The following KLF12 variants were observed in gnomAD, a reference collection of about 807,000 sequenced individuals.
KLF12 encodes the protein KLF transcription factor 12.
A neutral mutation model predicts 37.8 loss-of-function variants in KLF12; 9 were observed. That is an observed-to-expected ratio of 0.24 (90% CI 0.14 to 0.42). KLF12 has a LOEUF of 0.42. Among genes scored for constraint, KLF12 ranks in the 10% least tolerant of loss-of-function variants. The pLI, the probability that KLF12 is intolerant of heterozygous loss-of-function variation, is 1.00. For missense variants in KLF12, 411 were observed against 516.0 expected (o/e 0.80, Z 1.97); for synonymous variants, 208 against 202.1 (o/e 1.03, Z -0.25).
chr13:73,951,549 A>G (rs1193322626), intron 2 of KLF12, among the ~76,000 whole-genome samples: 1 of 152,102 alleles, frequency 6.6e-6, no homozygotes, highest in Non-Finnish European at 1.5e-5. Context: ...TGTGCAAGCA[A>G]CTCTGGCTAG....
At chr13:74,232,233 C>A in the KLF12 span, among the ~76,000 whole-genome samples, 10 of 152,124 alleles carry the variant, frequency 6.6e-5, no homozygotes, top group African/African-American at 1.9e-4. Flanking sequence ...ACACTAGTAA[C>A]AACAGCAACA....
At chr13:73,888,511 A>G (rs1482893447) in intron 3 of KLF12, among the ~76,000 whole-genome samples, 1 of 152,186 alleles carries the variant, frequency 6.6e-6, no homozygotes, top group African/African-American at 2.4e-5. Context: ...ATTGTTTCAT[A>G]AAAACTTTTA....
In KLF12 at chr13:74,053,010, T is replaced by C. The variant is rs367963626; in HGVS notation, c.-31-57957A>G. Among the ~76,000 whole-genome samples the C allele has an allele frequency of 9.8e-5, 15 of 152,332 alleles. No homozygotes were observed. The East Asian group carries it at 2.7e-3, about 27-fold the overall frequency. On this transcript the variant is annotated intron_variant, in intron 1 of 7. Coordinates refer to ENST00000377669, the MANE Select transcript of KLF12 (RefSeq NM_007249.5). ...CAAGAAGTCATTAAGAATGCACATG[T>C]GTACTTATTCCGCACCAGGAGGGCC...
intron 1 of KLF12, among the ~76,000 whole-genome samples, chr13:74,127,503 G>C (rs1232993624): frequency 6.6e-6 from 1 of 152,206 alleles, no homozygotes; most frequent in Non-Finnish European, 1.5e-5. Flanking sequence ...CCCACAAAAA[G>C]TGATGCTGAT....
the KLF12 span, among the ~76,000 whole-genome samples, chr13:74,143,199 T>C: frequency 6.6e-6 from 1 of 151,990 alleles, no homozygotes; most frequent in Non-Finnish European, 1.5e-5. Flanking sequence ...TCTCCCTCTT[T>C]CTTACTCTCT....
At chr13:73,999,851 C>A (rs1343015382) in intron 1 of KLF12, among the ~76,000 whole-genome samples, 2 of 152,176 alleles carry the variant, frequency 1.3e-5, no homozygotes, top group Non-Finnish European at 2.9e-5. Context: ...TCCATCATAT[C>A]CAGCATGTCA....
At chr13:74,172,960 G>A in the KLF12 span, among the ~76,000 whole-genome samples, 36 of 152,224 alleles carry the variant, frequency 2.4e-4, no homozygotes, top group African/African-American at 5.3e-4. Flanking sequence ...AAATACGCCC[G>A]TACCTCTCTG....
chr13:73,870,732 G>A (rs1229997406), intron 3 of KLF12, among the ~76,000 whole-genome samples: 1 of 152,190 alleles, frequency 6.6e-6, no homozygotes, highest in African/African-American at 2.4e-5. Context: ...TAATCACTGA[G>A]AACAAACTCA....
At chr13:74,103,360 T>C (rs1020218457) in intron 1 of KLF12, among the ~76,000 whole-genome samples, 1 of 152,160 alleles carries the variant, frequency 6.6e-6, no homozygotes, top group African/African-American at 2.4e-5. Context: ...AAACAATGAT[T>C]TGATCTTCAA....
In KLF12 at chr13:73,813,327, C is replaced by T. The variant is rs111971724; in HGVS notation, c.671-40G>A. 5.3e-4 allele frequency: 847 copies of T among 1,609,312 alleles called. No homozygotes were observed. The African/African-American group carries it at 9.4e-3, about 18-fold the overall frequency. On this transcript the variant is annotated intron_variant, in intron 4 of 7. Coordinates refer to ENST00000377669, the MANE Select transcript of KLF12 (RefSeq NM_007249.5). ...CATATATAATGAATTAAAATCAGTG[C>T]GCAGAAAGTTAACCTTGTCCTGGAC...
At chr13:73,882,275 T>C (rs1238105331) in intron 3 of KLF12, among the ~76,000 whole-genome samples, 1 of 152,204 alleles carries the variant, frequency 6.6e-6, no homozygotes, top group East Asian at 1.9e-4. Flanking sequence ...AGATACTCTT[T>C]TTGGAATTTT....
chr13:74,075,667 G>A (rs2088324741), intron 1 of KLF12, among the ~76,000 whole-genome samples: 1 of 152,162 alleles, frequency 6.6e-6, no homozygotes, highest in Non-Finnish European at 1.5e-5. Context: ...CCACATGTAT[G>A]TTTATAGCTC....
rs1319304932 is a variant in KLF12 at position 73,960,420 on chromosome 13, T to C, written c.34-16350A>G. The C allele has an allele frequency of 1.8e-5, 5 of 274,970 alleles. No individual in the cohort carries two copies. The East Asian group carries it at 4.5e-4, about 25-fold the overall frequency. The allele number at this position is 274,970 out of a possible 1,614,324, so 17.0% of individuals were successfully genotyped here. ...TTAAAATAATTTTAAATGTTATCTA[T>C]ACAATTAAAATAAATGCTTGACAGT... On this transcript the variant is annotated intron_variant, in intron 2 of 7. Transcript: ENST00000377669.
intron 1 of KLF12, among the ~76,000 whole-genome samples, chr13:74,093,070 C>G (rs1317736555): frequency 4.6e-5 from 7 of 152,208 alleles, no homozygotes; most frequent in African/African-American, 1.7e-4. Context: ...CTTGATGGCA[C>G]TGTTGAGAAG....
rs2138437290 is a variant in KLF12 at position 73,813,292 on chromosome 13, A to G, written c.671-5T>C. On this transcript the variant is annotated splice_region_variant and splice_polypyrimidine_tract_variant and intron_variant, in intron 4 of 7. Coordinates refer to ENST00000377669, the MANE Select transcript of KLF12 (RefSeq NM_007249.5). The stretch of plus-strand genomic sequence containing the variant: ...GGCCTCGGGGGTCCATTTGTGCTGG[A>G]GAGAAAAGGCATATATAATGAATTA... 2 of 1,613,914 alleles carry G rather than the reference A, an allele frequency of 1.2e-6. No individual in the cohort carries two copies. Among genetic ancestry groups the G allele is most frequent in the Non-Finnish European group, 1.7e-6 (2 of 1,179,864 alleles).
At chr13:74,228,155 T>C in the KLF12 span, among the ~76,000 whole-genome samples, 1 of 152,280 alleles carries the variant, frequency 6.6e-6, no homozygotes, top group South Asian at 2.1e-4. Context: ...TCTACTTGGA[T>C]GAGCTTCAGA....
At chr13:73,780,483 T>G (rs1418982828) in intron 5 of KLF12, among the ~76,000 whole-genome samples, 1 of 152,024 alleles carries the variant, frequency 6.6e-6, no homozygotes, top group Non-Finnish European at 1.5e-5. Flanking sequence ...TTTTTTTTTT[T>G]TTCTTTTTTC....
chr13:74,291,528 C>T, the KLF12 span, among the ~76,000 whole-genome samples: 3,623 of 152,138 alleles, frequency 0.024, 154 homozygotes, highest in African/African-American at 0.082. Flanking sequence ...TGTCAGTTGG[C>T]GAAGCAGAAC....
chr13:73,726,980 T>C (rs1214298188), intron 6 of KLF12, among the ~76,000 whole-genome samples: 1 of 152,238 alleles, frequency 6.6e-6, no homozygotes, highest in Non-Finnish European at 1.5e-5. Flanking sequence ...TCAGCAATCC[T>C]AGAGGTTGTA....
Sources: allele counts gnomAD v4.1 joint callset (sites outside exome capture counted in the v4.1 genomes callset), GRCh38; gene constraint gnomAD v4.1.1; transcripts MANE v1.5; gene names NCBI Gene and HGNC (gene_info 2026-07-23, HGNC 2026-07-21).